The following HIVEP2 variants were observed in gnomAD, a reference collection of about 807,000 sequenced individuals.
HIVEP2 encodes HIVEP zinc finger 2, also known as transcription factor HIVEP2.
Under a neutral mutation model 180.7 loss-of-function variants are expected in HIVEP2, and 14 were observed. The ratio of observed to expected loss-of-function variants is 0.08; its 90% CI spans 0.05 to 0.12. The LOEUF (loss-of-function observed/expected upper bound fraction) is 0.12, where lower values mean the gene tolerates loss of function less well. Among genes scored for constraint, HIVEP2 ranks in the 10% least tolerant of loss-of-function variants. HIVEP2 has a pLI of 1.00. For missense variants in HIVEP2, 2,579 were observed against 3,008.5 expected (o/e 0.86, Z 3.34); for synonymous variants, 1,184 against 1,136.4 (o/e 1.04, Z -0.84).
intron 1 of HIVEP2, among the ~76,000 whole-genome samples, chr6:142,913,492 C>T (rs920908909): frequency 6.6e-6 from 1 of 152,216 alleles, no homozygotes; most frequent in Non-Finnish European, 1.5e-5. Flanking sequence ...CTTTTGCCAG[C>T]TTCAATGCCA....
intron 1 of HIVEP2, among the ~76,000 whole-genome samples, chr6:142,905,405 T>G (rs1354631229): frequency 6.6e-6 from 1 of 152,224 alleles, no homozygotes; most frequent in Admixed American, 6.5e-5. Flanking sequence ...CTAAAATGAT[T>G]TCTGCAAACG....
chr6:142,933,591 G>A (rs1777987905), intron 1 of HIVEP2, among the ~76,000 whole-genome samples: 1 of 152,140 alleles, frequency 6.6e-6, no homozygotes, highest in South Asian at 2.1e-4. Flanking sequence ...AATTTTTCCA[G>A]ATGGCTATTA....
At chr6:142,908,653 T>C (rs533018759) in intron 1 of HIVEP2, among the ~76,000 whole-genome samples, 1 of 152,230 alleles carries the variant, frequency 6.6e-6, no homozygotes, top group South Asian at 2.1e-4. Flanking sequence ...TGGAATGGAC[T>C]ATAGCAATCA....
intron 1 of HIVEP2, among the ~76,000 whole-genome samples, chr6:142,902,138 G>C (rs923606182): frequency 6.6e-6 from 1 of 152,072 alleles, no homozygotes; most frequent in African/African-American, 2.4e-5. Flanking sequence ...CTTAGGTGTG[G>C]GCTGACTTCC....
chr6:142,826,735 G>C (rs1774913911), intron 2 of HIVEP2, among the ~76,000 whole-genome samples: 2 of 152,122 alleles, frequency 1.3e-5, no homozygotes, highest in South Asian at 2.1e-4. Context: ...AAATGGCAGG[G>C]AATAGCTTTG....
chr6:142,925,901 CT>C, intron 1 of HIVEP2, among the ~76,000 whole-genome samples: 1 of 152,324 alleles, frequency 6.6e-6, no homozygotes, highest in Admixed American at 6.5e-5. Flanking sequence ...TCCCAGTGAA[CT>C]TTAGCATTTT....
At chr6:142,940,349 A>G (rs550982477) in intron 1 of HIVEP2, among the ~76,000 whole-genome samples, 1 of 152,360 alleles carries the variant, frequency 6.6e-6, no homozygotes, top group South Asian at 2.1e-4. Flanking sequence ...GTCATTACAT[A>G]TAGAGTCATT....
At chr6:142,865,182 C>T (rs1176558060) in intron 1 of HIVEP2, among the ~76,000 whole-genome samples, 3 of 152,058 alleles carry the variant, frequency 2.0e-5, no homozygotes, top group African/African-American at 7.2e-5. Context: ...TTCCAGATAT[C>T]CAATATGCTG....
At position 142,773,294 on chromosome 6, in the gene HIVEP2, T is replaced by G. The variant is rs927139803; in HGVS notation, c.1445A>C (p.Lys482Thr). 5 of 1,614,100 alleles carry G rather than the reference T, an allele frequency of 3.1e-6. No individual in the cohort carries two copies. Among genetic ancestry groups the G allele is most frequent in the Non-Finnish European group, 4.2e-6 (5 of 1,180,048 alleles). The part of the protein sequence containing the change: ...EDPVSQLIPS[K>T]GDVDPSQTSM... ...CGTTTGACTGGGGTCGACATCTCCC[T>G]TGCTTGGGATCAGCTGTGAAACAGG... The change falls in exon 5 of 10, where the codon AAG becomes ACG. Residue 482 changes from lysine to threonine, a missense_variant. This residue lies in a region of HIVEP2 where 524 missense variants were observed against 563.6 expected (regional missense o/e 0.93). Transcript: ENST00000367603.
chr6:142,926,228 A>T (rs550266554), intron 1 of HIVEP2, among the ~76,000 whole-genome samples: 2 of 152,364 alleles, frequency 1.3e-5, no homozygotes, highest in African/African-American at 4.8e-5. Flanking sequence ...GTAAAAGTCC[A>T]TCTAATAATT....
intron 2 of HIVEP2, among the ~76,000 whole-genome samples, chr6:142,820,013 T>TC (rs1776983332): frequency 6.6e-6 from 1 of 152,110 alleles, no homozygotes; most frequent in Non-Finnish European, 1.5e-5. Context: ...GCTGGAGCAC[T>TC]CCCAAATGCT....
At position 142,774,864 on chromosome 6, in the gene HIVEP2, T is replaced by C; in HGVS notation, c.-126A>G. 7 of 1,512,218 alleles carry C rather than the reference T, an allele frequency of 4.6e-6. No individual in the cohort carries two copies. Among genetic ancestry groups the C allele is most frequent in the Non-Finnish European group, 5.3e-6 (6 of 1,139,004 alleles). 93.7% of individuals were successfully genotyped at this position (1,512,218 alleles called of 1,614,324 possible). ...TCCAGGGTGTCTGCAAACTTGCTGATTGCTCCTTCTCTTTGGAACCTTCCA... is the reference window on the plus strand; with the variant it reads ...TCCAGGGTGTCTGCAAACTTGCTGACTGCTCCTTCTCTTTGGAACCTTCCA... On this transcript the variant is annotated 5_prime_UTR_variant, in exon 5 of 10. Coordinates refer to ENST00000367603, the MANE Select transcript of HIVEP2 (RefSeq NM_006734.4). This position sits in a 1 kb window ranked among gnomAD's most constrained non-coding sequence, Gnocchi z 5.1.
chr6:142,863,158 A>C (rs1776050284), intron 1 of HIVEP2, among the ~76,000 whole-genome samples: 1 of 148,892 alleles, frequency 6.7e-6, no homozygotes, highest in Admixed American at 6.8e-5. Context: ...ATATATAAAA[A>C]AGGCAAGAAC....
At chr6:142,784,285 T>C (rs1173432516) in intron 2 of HIVEP2, among the ~76,000 whole-genome samples, 7 of 152,174 alleles carry the variant, frequency 4.6e-5, no homozygotes, top group Admixed American at 6.5e-5. Flanking sequence ...ATAATACCCA[T>C]AATCGTATAT....
chr6:142,861,119 A>G (rs1445712505), intron 1 of HIVEP2, among the ~76,000 whole-genome samples: 2 of 152,246 alleles, frequency 1.3e-5, no homozygotes, highest in African/African-American at 4.8e-5. Flanking sequence ...ACACCTGAAG[A>G]CAATACTCTC....
rs999634501 is a variant in HIVEP2, at chr6:142,753,589, G to A, written c.6859C>T (p.Pro2287Ser). 5.6e-6 allele frequency: 9 copies of A among 1,613,910 alleles called. No individual in the cohort carries two copies. In the Admixed American group the frequency reaches 8.3e-5, roughly 15 times the overall value. ...GGACCAGATGACTGCAAAGCGTGAG[G>A]ACCTCGCTTCTCATGCTGCTTAGAA... Reference protein sequence around the residue: ...VLSKQHEKRGPHALQSSGPPS... With the variant: ...VLSKQHEKRGSHALQSSGPPS... Residue 2287 changes from proline to serine, a missense_variant, in exon 10 of 10, where the codon CCT becomes TCT. Physicochemically the swap from Pro to Ser is moderately conservative, Grantham distance 74 (BLOSUM62 -1). This residue lies in a region of HIVEP2 where 660 missense variants were observed against 731.7 expected (regional missense o/e 0.90). Coordinates refer to ENST00000367603, the MANE Select transcript of HIVEP2 (RefSeq NM_006734.4).
chr6:142,836,180 G>C (rs1196886035), intron 2 of HIVEP2, among the ~76,000 whole-genome samples: 1 of 151,874 alleles, frequency 6.6e-6, no homozygotes, highest in Non-Finnish European at 1.5e-5. Flanking sequence ...CTGTGTAAAG[G>C]GTTAATTAAA....
intron 3 of HIVEP2, among the ~76,000 whole-genome samples, chr6:142,780,396 C>T (rs1775826129): frequency 6.6e-6 from 1 of 152,218 alleles, no homozygotes; most frequent in Non-Finnish European, 1.5e-5. Context: ...GCTTATTTCA[C>T]ATGAACTTTC....
intron 1 of HIVEP2, among the ~76,000 whole-genome samples, chr6:142,921,571 A>G (rs999414858): frequency 1.3e-5 from 2 of 152,218 alleles, no homozygotes; most frequent in African/African-American, 4.8e-5. Flanking sequence ...AAGGCCTAGA[A>G]AAGTGTCTGA....
Sources: allele counts gnomAD v4.1 joint callset (sites outside exome capture counted in the v4.1 genomes callset), GRCh38; gene constraint gnomAD v4.1.1; regional missense constraint gnomAD v4.1.1; non-coding constraint Gnocchi (gnomAD v3.1); transcripts MANE v1.5; gene names NCBI Gene and HGNC (gene_info 2026-07-23, HGNC 2026-07-21).